LRMDA: variants seen among roughly 807,000 people sequenced by gnomAD.
LRMDA encodes the protein leucine rich melanocyte differentiation associated.
A neutral mutation model predicts 29.8 loss-of-function variants in LRMDA; 18 were observed. The observed-to-expected ratio is 0.60, with a 90% CI of 0.42 to 0.90. The LOEUF (loss-of-function observed/expected upper bound fraction) is 0.90. Ranked by LOEUF, LRMDA falls within the 40% of genes least tolerant of loss-of-function variation. LRMDA has a pLI of 0.00. For missense variants in LRMDA, 273 were observed against 273.9 expected (o/e 1.00, Z 0.02); for synonymous variants, 125 against 109.4 (o/e 1.14, Z -0.89).
chr10:76,394,082 G>T (rs892090711), intron 6 of LRMDA, among the ~76,000 whole-genome samples: 5 of 152,156 alleles, frequency 3.3e-5, no homozygotes, highest in African/African-American at 1.2e-4. Flanking sequence ...CTTCACACTT[G>T]CCATTAATAG....
At chr10:76,429,497 T>C (rs1259386335) in intron 6 of LRMDA, among the ~76,000 whole-genome samples, 1 of 151,992 alleles carries the variant, frequency 6.6e-6, no homozygotes. Flanking sequence ...GTATGATGAT[T>C]ATTATTCCTC....
At chr10:75,854,544 G>A (rs1844788949) in intron 2 of LRMDA, among the ~76,000 whole-genome samples, 1 of 151,882 alleles carries the variant, frequency 6.6e-6, no homozygotes, top group Admixed American at 6.6e-5. Flanking sequence ...TTGGAAAAAT[G>A]ACCAATTTAT....
At chr10:76,014,631 A>G (rs892469934) in intron 2 of LRMDA, among the ~76,000 whole-genome samples, 3 of 152,188 alleles carry the variant, frequency 2.0e-5, no homozygotes, top group African/African-American at 4.8e-5. Context: ...AGAACTCAAA[A>G]ATGCTTTAAC....
At chr10:76,076,268 A>G (rs1180079110) in intron 5 of LRMDA, among the ~76,000 whole-genome samples, 2 of 142,092 alleles carry the variant, frequency 1.4e-5, no homozygotes, top group East Asian at 2.1e-4. Context: ...GCGTGAACCC[A>G]GGAGGCGGAG....
intron 2 of LRMDA, among the ~76,000 whole-genome samples, chr10:75,686,429 T>C (rs1842082552): frequency 1.3e-5 from 2 of 152,246 alleles, no homozygotes; most frequent in African/African-American, 2.4e-5. Context: ...GTTTTCTCCA[T>C]GGTGCTTGCT....
chr10:75,822,453 TA>T (rs537297913), intron 2 of LRMDA, among the ~76,000 whole-genome samples: 85 of 151,640 alleles, frequency 5.6e-4, no homozygotes, highest in African/African-American at 1.6e-3. Context: ...TCGCAGAATT[TA>T]AAAAAAAACT....
At chr10:76,098,532 G>A (rs1030616039) in intron 5 of LRMDA, among the ~76,000 whole-genome samples, 25 of 151,934 alleles carry the variant, frequency 1.6e-4, no homozygotes, top group African/African-American at 4.8e-4. Context: ...CTGTATTAGC[G>A]TCCCATCTTT....
chr10:76,461,077 G>A (rs1236572031), intron 6 of LRMDA, among the ~76,000 whole-genome samples: 1 of 151,970 alleles, frequency 6.6e-6, no homozygotes, highest in African/African-American at 2.4e-5. Flanking sequence ...ACACTTCTAA[G>A]GACAATATAA....
intron 5 of LRMDA, among the ~76,000 whole-genome samples, chr10:76,160,191 G>A (rs866759530): frequency 1.3e-4 from 20 of 151,106 alleles, no homozygotes; most frequent in African/African-American, 4.9e-4. Context: ...ATTTAAAACT[G>A]CTCTAAGAGA....
At chr10:76,235,416 T>C (rs1474412533) in intron 5 of LRMDA, among the ~76,000 whole-genome samples, 1 of 152,036 alleles carries the variant, frequency 6.6e-6, no homozygotes, top group African/African-American at 2.4e-5. Flanking sequence ...GATAAGCACA[T>C]GCTGTGGGAA....
intron 2 of LRMDA, among the ~76,000 whole-genome samples, chr10:75,921,472 A>G (rs911282947): frequency 3.9e-5 from 6 of 152,210 alleles, no homozygotes; most frequent in African/African-American, 1.4e-4. Context: ...AGGGAAGCTC[A>G]TGCTGTGAAA....
intron 5 of LRMDA, among the ~76,000 whole-genome samples, chr10:76,200,714 CTTT>C (rs545738244): frequency 4.9e-5 from 7 of 142,758 alleles, no homozygotes; most frequent in African/African-American, 1.5e-4. Flanking sequence ...TTTTCTTTTT[CTTT>C]TTTTTTTTTT....
In LRMDA at chr10:76,361,710, A is replaced by G. The variant is rs147921524; in HGVS notation, c.601+37225A>G. 4.5e-4 allele frequency among the ~76,000 whole-genome samples: 69 copies of G among 152,316 alleles called. No individual in the cohort carries two copies. In the South Asian group the frequency reaches 0.011, roughly 24 times the overall value. ...CTGAGCAAATGCACCAAAGAACACTATATAAACTTAATGAGGGAGATGAAG... is the reference window on the plus strand; with the variant it reads ...CTGAGCAAATGCACCAAAGAACACTGTATAAACTTAATGAGGGAGATGAAG... On this transcript the variant is annotated intron_variant, in intron 6 of 6. Transcript: ENST00000611255.
At chr10:75,628,886 G>A (rs950789589) in intron 2 of LRMDA, among the ~76,000 whole-genome samples, 2 of 152,192 alleles carry the variant, frequency 1.3e-5, no homozygotes, top group East Asian at 1.9e-4. Context: ...ACACTGCTTC[G>A]TGGCATCACT....
At chr10:75,782,287 G>T (rs996249855) in intron 2 of LRMDA, among the ~76,000 whole-genome samples, 2 of 152,180 alleles carry the variant, frequency 1.3e-5, no homozygotes, top group Non-Finnish European at 2.9e-5. Flanking sequence ...TGCAGTGTTT[G>T]TGTGTGGGGG....
chr10:76,086,527 CGTAA>C (rs1387413737), intron 5 of LRMDA, among the ~76,000 whole-genome samples: 1 of 152,182 alleles, frequency 6.6e-6, no homozygotes, highest in Non-Finnish European at 1.5e-5. Flanking sequence ...AGTCAACACT[CGTAA>C]GTAAGTGGCC....
At chr10:76,019,560 A>G (rs1168999553) in intron 2 of LRMDA, among the ~76,000 whole-genome samples, 1 of 152,186 alleles carries the variant, frequency 6.6e-6, no homozygotes, top group Non-Finnish European at 1.5e-5. Context: ...GCAAATCTTT[A>G]TTATTGAAAT....
intron 2 of LRMDA, among the ~76,000 whole-genome samples, chr10:75,567,130 G>T (rs1190118456): frequency 6.6e-6 from 1 of 151,266 alleles, no homozygotes; most frequent in Non-Finnish European, 1.5e-5. Context: ...TCTCTCTCTT[G>T]TCCTCTGCTA....
intron 2 of LRMDA, among the ~76,000 whole-genome samples, chr10:75,820,563 C>G (rs1366265945): frequency 6.6e-6 from 1 of 152,100 alleles, no homozygotes; most frequent in Non-Finnish European, 1.5e-5. Flanking sequence ...ATAGAAAGAT[C>G]TCAAATTAAC....
Sources: gnomAD v4.1 joint callset for allele counts (sites outside exome capture counted in the v4.1 genomes callset) on GRCh38, gnomAD v4.1.1 for gene constraint, MANE v1.5 for transcripts, NCBI Gene and HGNC (gene_info 2026-07-23, HGNC 2026-07-21) for gene names.